Variants in EGFL6 observed in about 807,000 individuals in gnomAD.
The protein encoded by EGFL6 is epidermal growth factor-like protein 6.
EGFL6 carries 42 observed loss-of-function variants against 43.1 expected under a neutral mutation model. That is an observed-to-expected ratio of 0.98 (90% confidence interval 0.76 to 1.26). The LOEUF (loss-of-function observed/expected upper bound fraction) is 1.26, where lower values mean the gene tolerates loss of function less well. Ranked by LOEUF, EGFL6 falls within the 50% of genes most tolerant of loss-of-function variation. The probability of loss-of-function intolerance (pLI) is 0.00; values close to 1 mark genes in which losing one functional copy is unlikely to be tolerated. For missense variants in EGFL6, 429 were observed against 427.8 expected, an observed-to-expected ratio of 1.00 and a Z score of -0.02; for synonymous variants, 164 against 163.2, an observed-to-expected ratio of 1.01 and a Z score of -0.04.
chrX:13,612,048 T>A (rs776094864), intron 7 of EGFL6, among the ~76,000 whole-genome samples: 34 of 111,361 alleles, frequency 3.1e-4, no homozygotes, highest in East Asian at 2.5e-3. Context: ...CTTTTTTTTT[T>A]TAAATTTTTT....
chrX:13,630,387 T>G (rs2045804274), intron 11 of EGFL6, among the ~76,000 whole-genome samples: 1 of 111,621 alleles, frequency 9.0e-6, no homozygotes, highest in Admixed American at 9.6e-5. Context: ...TGGTTATCAG[T>G]CAGGGGTCTT....
chrX:13,587,077 T>C (rs1171387702), intron 1 of EGFL6, among the ~76,000 whole-genome samples: 1 of 111,806 alleles, frequency 8.9e-6, no homozygotes, highest in Non-Finnish European at 1.9e-5. Flanking sequence ...AAGGGAGAAG[T>C]TAGTTAAGAT....
chrX:13,614,631 T>C (rs774063677), intron 7 of EGFL6, among the ~76,000 whole-genome samples: 236 of 111,955 alleles, frequency 2.1e-3, no homozygotes, highest in Middle Eastern at 9.2e-3. Context: ...AAATCTCAAA[T>C]ACCTCCCGAG....
intron 11 of EGFL6, among the ~76,000 whole-genome samples, chrX:13,631,378 G>A (rs1332464365): frequency 8.9e-6 from 1 of 111,952 alleles, no homozygotes; most frequent in Non-Finnish European, 1.9e-5. Context: ...TCCATAAATT[G>A]TAGCTATTAT....
intron 7 of EGFL6, among the ~76,000 whole-genome samples, chrX:13,614,583 A>G (rs1043679913): frequency 8.9e-6 from 1 of 111,920 alleles, no homozygotes; most frequent in Non-Finnish European, 1.9e-5. Flanking sequence ...TAGGGTTTTC[A>G]GGTTGATAGA....
At chrX:13,618,737 C>T (rs745368561) in intron 8 of EGFL6, among the ~76,000 whole-genome samples, 13 of 111,010 alleles carry the variant, frequency 1.2e-4, no homozygotes, top group Admixed American at 8.6e-4. Flanking sequence ...CTATATTTTG[C>T]CTTATCTAGT....
Position 13,569,671 on chromosome X carries a change from C to T in EGFL6, c.-191C>T, listed in dbSNP as rs1925108968. 3.5e-5 allele frequency: 15 copies of T among 433,015 alleles called. 1 individual carries two copies. The highest frequency in any genetic ancestry group is 1.5e-4 in the South Asian group (4 of 25,872). The allele number at this position is 433,015 out of a possible 1,213,427, so 35.7% of individuals were successfully genotyped here. On this transcript the variant is annotated 5_prime_UTR_variant, in exon 1 of 12. Coordinates refer to ENST00000361306, the MANE Select transcript of EGFL6 (RefSeq NM_015507.4). ...TGCCAGGGCGCCCCCAGCCCCTCCCCAGGCCGCGAGCGCCCCTGCCGCGGT... is the reference window on the plus strand; with the variant it reads ...TGCCAGGGCGCCCCCAGCCCCTCCCTAGGCCGCGAGCGCCCCTGCCGCGGT...
intron 1 of EGFL6, among the ~76,000 whole-genome samples, chrX:13,576,988 GA>G (rs1200347214): frequency 9.2e-6 from 1 of 108,766 alleles, no homozygotes; most frequent in African/African-American, 3.3e-5. Context: ...TCTTGTTTAT[GA>G]AAAAAAAATA....
chrX:13,591,430 A>T (rs769028323), intron 2 of EGFL6, among the ~76,000 whole-genome samples: 8 of 111,866 alleles, frequency 7.2e-5, no homozygotes, highest in Admixed American at 3.8e-4. Context: ...TGCAAGCTGA[A>T]GAGACGGTCA....
chrX:13,618,613 G>A (rs1397656121), intron 8 of EGFL6, among the ~76,000 whole-genome samples: 1 of 111,905 alleles, frequency 8.9e-6, no homozygotes, highest in African/African-American at 3.3e-5. Flanking sequence ...ACTAGTTGCT[G>A]TGCAGAACCC....
At chrX:13,612,255 G>A (rs1053333588) in intron 7 of EGFL6, among the ~76,000 whole-genome samples, 5 of 108,598 alleles carry the variant, frequency 4.6e-5, no homozygotes, top group Non-Finnish European at 7.7e-5. Context: ...GACTCTTAAC[G>A]AGCATGCTGC....
intron 7 of EGFL6, among the ~76,000 whole-genome samples, chrX:13,616,982 G>A (rs1252291405): frequency 9.2e-6 from 1 of 108,955 alleles, no homozygotes; most frequent in African/African-American, 3.4e-5. Context: ...CCATTCTCCT[G>A]CCTCAGCCTC....
Position 13,577,298 on chromosome X carries a change from TTATATATATATATATATATATA to T in EGFL6, c.74+7386_74+7407del, listed in dbSNP as rs1199851773. On this transcript the variant is annotated intron_variant, in intron 1 of 11. Transcript: ENST00000361306. ...ACATAATGTTATTTATATATGAATT[TTATATATATATATATATATATA>T]TATATATATATATATATATATACAT... Among the ~76,000 whole-genome samples, 239 of 24,462 alleles carry T rather than the reference TTATATATATATATATATATATA, an allele frequency of 9.8e-3. 8 individuals are homozygous for T. The highest frequency in any genetic ancestry group is 0.034 in the African/African-American group (222 of 6,526). 21.2% of individuals were successfully genotyped at this position (24,462 alleles called of 115,157 possible). A position where few individuals can be genotyped will look rare whatever the true frequency, so the allele number is the denominator to read the frequency against.
At chrX:13,602,020 A>G (rs2045636706) in intron 4 of EGFL6, among the ~76,000 whole-genome samples, 1 of 112,632 alleles carries the variant, frequency 8.9e-6, no homozygotes, top group Non-Finnish European at 1.9e-5. Context: ...GAAGACAACT[A>G]AAGAGAAAAG....
chrX:13,619,345 C>A, intron 9 of EGFL6, 102 bp downstream of exon 9: 1 of 721,011 alleles, frequency 1.4e-6, no homozygotes, highest in Non-Finnish European at 2.1e-6. Context: ...CTGCTTCATT[C>A]GTAAACCCCC....
At chrX:13,588,473 C>T (rs1189808326) in intron 1 of EGFL6, among the ~76,000 whole-genome samples, 2 of 112,002 alleles carry the variant, frequency 1.8e-5, no homozygotes, top group Admixed American at 9.5e-5. Context: ...ACTAAACATA[C>T]AATGCAAGTA....
intron 3 of EGFL6, among the ~76,000 whole-genome samples, chrX:13,597,955 A>G (rs1295297277): frequency 1.8e-5 from 2 of 112,206 alleles, no homozygotes; most frequent in African/African-American, 6.5e-5. Context: ...TCTCAGCAAA[A>G]TATTAACGTT....
At position 13,589,544 on chromosome X, in the gene EGFL6, C is replaced by A. The variant is rs2045551664; in HGVS notation, c.75-12C>A. Reference sequence around the variant, plus strand: ...ATTTTCTCAATACTAACATGTAGTTCTTTATCTGCAGTGCAAGGCATCACG... The same window carrying A: ...ATTTTCTCAATACTAACATGTAGTTATTTATCTGCAGTGCAAGGCATCACG... On this transcript the variant is annotated splice_polypyrimidine_tract_variant and intron_variant, in intron 1 of 11. Coordinates refer to ENST00000361306, the MANE Select transcript of EGFL6 (RefSeq NM_015507.4). 4.2e-6 allele frequency: 5 copies of A among 1,191,164 alleles called. No individual in the cohort carries two copies. The highest frequency in any genetic ancestry group is 2.2e-5 in the Admixed American group (1 of 44,644).
chrX:13,600,709 C>A (rs1415210092), intron 4 of EGFL6, among the ~76,000 whole-genome samples: 1 of 98,518 alleles, frequency 1.0e-5, no homozygotes, highest in Non-Finnish European at 2.0e-5. Context: ...ACCAGCCTGG[C>A]CAACATGACG....
Sources: allele counts gnomAD v4.1 joint callset (sites outside exome capture counted in the v4.1 genomes callset), GRCh38; gene constraint gnomAD v4.1.1; transcripts MANE v1.5; gene names NCBI Gene and HGNC (gene_info 2026-07-23, HGNC 2026-07-21).